Variants in TMEM272 observed in about 807,000 individuals in gnomAD.
The protein encoded by TMEM272 is long intergenic non-protein coding RNA 282.
TMEM272 carries 8 observed loss-of-function variants against 3.7 expected under a neutral mutation model. The observed-to-expected ratio is 2.17, with a 90% confidence interval of 1.27 to 3.91. The LOEUF (loss-of-function observed/expected upper bound fraction) is 3.91. Among genes scored for constraint, TMEM272 ranks in the 30% most tolerant of loss-of-function variants. TMEM272 has a pLI of 0.00. For missense variants in TMEM272, 166 were observed against 91.5 expected, an observed-to-expected ratio of 1.81 and a Z score of -3.32; for synonymous variants, 63 against 39.8, an observed-to-expected ratio of 1.58 and a Z score of -2.20.
chr13:51,908,069 A>T, the TMEM272 span: 1 of 373,406 alleles, frequency 2.7e-6, no homozygotes, highest in Non-Finnish European at 5.1e-6. Context: ...TATTTAAATC[A>T]TCCTTATTTA....
the TMEM272 span, among the ~76,000 whole-genome samples, chr13:51,861,535 T>C: frequency 1.1e-3 from 161 of 152,252 alleles, 1 homozygote; most frequent in Non-Finnish European, 2.0e-3. Context: ...AACAGGTTAA[T>C]TGAGATTATC....
the TMEM272 span, among the ~76,000 whole-genome samples, chr13:51,928,980 C>T: frequency 6.6e-6 from 1 of 152,174 alleles, no homozygotes; most frequent in East Asian, 1.9e-4. Flanking sequence ...GAGGGGATCA[C>T]GAGGTCAGGA....
At chr13:51,859,917 G>A in the TMEM272 span, among the ~76,000 whole-genome samples, 8 of 151,166 alleles carry the variant, frequency 5.3e-5, no homozygotes, top group African/African-American at 1.9e-4. Flanking sequence ...TTTTGAGACA[G>A]GGTCTCACTC....
the TMEM272 span, among the ~76,000 whole-genome samples, chr13:51,920,232 A>C: frequency 1.3e-5 from 2 of 152,162 alleles, no homozygotes; most frequent in African/African-American, 4.8e-5. Context: ...GATAACAGCT[A>C]GTTATAGAAT....
At chr13:51,898,519 C>T in the TMEM272 span, among the ~76,000 whole-genome samples, 1 of 151,430 alleles carries the variant, frequency 6.6e-6, no homozygotes, top group East Asian at 1.9e-4. Context: ...CATGCATTTT[C>T]TGAATGTTTT....
At chr13:51,867,816 G>T in the TMEM272 span, among the ~76,000 whole-genome samples, 3 of 152,098 alleles carry the variant, frequency 2.0e-5, no homozygotes, top group East Asian at 1.9e-4. Context: ...GAGAGAATTC[G>T]ATTTCAAGAG....
At chr13:51,900,876 C>G in the TMEM272 span, among the ~76,000 whole-genome samples, 4 of 152,110 alleles carry the variant, frequency 2.6e-5, no homozygotes, top group Admixed American at 1.3e-4. Flanking sequence ...AAAAGCCACA[C>G]GTTTTATGGT....
the TMEM272 span, among the ~76,000 whole-genome samples, chr13:51,882,414 C>CAA: frequency 6.6e-6 from 1 of 152,154 alleles, no homozygotes; most frequent in East Asian, 1.9e-4. Context: ...AGTAGTATCC[C>CAA]AAATAATTTT....
At position 51,814,326 on chromosome 13, in the gene TMEM272, G is replaced by A. The variant is rs1020968571; in HGVS notation, c.*2425C>T. 2 of 152,238 alleles carry A rather than the reference G, an allele frequency of 1.3e-5. No homozygotes were observed. Among genetic ancestry groups the A allele is most frequent in the Admixed American group, 1.3e-4 (2 of 15,280 alleles). 9.4% of individuals were successfully genotyped at this position (152,238 alleles called of 1,614,324 possible). On this transcript the variant is annotated 3_prime_UTR_variant, in exon 5 of 5. Transcript: ENST00000629372. ...ATAACCATCTCACCATCTCCTGAGG[G>A]AGGCCTTAATCAGTTATCATTCAAA...
chr13:51,872,452 T>A, the TMEM272 span, among the ~76,000 whole-genome samples: 72 of 150,772 alleles, frequency 4.8e-4, no homozygotes, highest in Non-Finnish European at 8.6e-4. Context: ...CACACTGAGA[T>A]CAAAAAAGAA....
upstream of TMEM272, among the ~76,000 whole-genome samples, chr13:51,849,148 C>T (rs940238330): frequency 2.6e-5 from 4 of 152,258 alleles, no homozygotes; most frequent in Non-Finnish European, 5.9e-5. Flanking sequence ...TGCATGGTCC[C>T]ACAACTAGTT....
the TMEM272 span, among the ~76,000 whole-genome samples, chr13:51,930,136 C>A: frequency 1.3e-5 from 2 of 151,928 alleles, no homozygotes; most frequent in African/African-American, 4.8e-5. Flanking sequence ...TTCCCCCCCC[C>A]CACTTTCTAT....
At chr13:51,853,305 G>A in the TMEM272 span, among the ~76,000 whole-genome samples, 1 of 152,128 alleles carries the variant, frequency 6.6e-6, no homozygotes, top group Non-Finnish European at 1.5e-5. Flanking sequence ...AGCTACTTGG[G>A]AAGCTGAGGC....
upstream of TMEM272, among the ~76,000 whole-genome samples, chr13:51,846,809 T>TA (rs1382932678): frequency 2.6e-5 from 4 of 152,066 alleles, no homozygotes; most frequent in South Asian, 2.1e-4. Context: ...GAGTCAAAAT[T>TA]AAAAAAAATT....
At chr13:51,838,259 T>A (rs1956232550) in intron 2 of TMEM272, among the ~76,000 whole-genome samples, 1 of 152,040 alleles carries the variant, frequency 6.6e-6, no homozygotes, top group African/African-American at 2.4e-5. Flanking sequence ...ACACATACAG[T>A]GAACTATGGA....
At position 51,826,618 on chromosome 13, in the gene TMEM272, G is replaced by A. The variant is rs1470236552; in HGVS notation, c.66C>T (p.Phe22=). 2.8e-6 allele frequency: 2 copies of A among 702,458 alleles called. No homozygotes were observed. The highest frequency in any genetic ancestry group is 5.2e-6 in the Non-Finnish European group (2 of 385,012). 43.5% of individuals were successfully genotyped at this position (702,458 alleles called of 1,614,324 possible). ...CCAGGAAAGCACAGAGCACAACAAC[G>A]AAGCAGGCTGCAAGGAGAAGAAGGG... The part of the protein sequence containing the change: ...CISKIASNAC[F]VVVLCAFLAL... Residue 22 remains phenylalanine (F), a synonymous_variant, in exon 3 of 5, where the codon TTC becomes TTT. Transcript: ENST00000629372.
At chr13:51,833,320 TAAAG>T (rs1192542547) in intron 2 of TMEM272, among the ~76,000 whole-genome samples, 1 of 152,100 alleles carries the variant, frequency 6.6e-6, no homozygotes, top group Non-Finnish European at 1.5e-5. Flanking sequence ...ATTAGGAAGA[TAAAG>T]AGAGTTGTAG....
chr13:51,901,266 T>G, the TMEM272 span, among the ~76,000 whole-genome samples: 1 of 152,206 alleles, frequency 6.6e-6, no homozygotes, highest in African/African-American at 2.4e-5. Flanking sequence ...GCACGGTTCC[T>G]GAGTGTGGCT....
At chr13:51,837,728 G>A (rs898524371) in intron 2 of TMEM272, among the ~76,000 whole-genome samples, 1 of 152,210 alleles carries the variant, frequency 6.6e-6, no homozygotes, top group Non-Finnish European at 1.5e-5. Flanking sequence ...GGTGGACAGT[G>A]TGTGCTAGGA....
Sources: allele counts gnomAD v4.1 joint callset (sites outside exome capture counted in the v4.1 genomes callset), GRCh38; gene constraint gnomAD v4.1.1; transcripts MANE v1.5; gene names NCBI Gene and HGNC (gene_info 2026-07-23, HGNC 2026-07-21).